ALK: variants seen among roughly 807,000 people sequenced by gnomAD.
The protein encoded by ALK is ALK receptor tyrosine kinase, also known as ALK tyrosine kinase receptor.
ALK carries 74 observed loss-of-function variants against 163.1 expected under a neutral mutation model. That is an observed-to-expected ratio of 0.45 (90% CI 0.38 to 0.55). The LOEUF (loss-of-function observed/expected upper bound fraction) is 0.55, where lower values mean the gene tolerates loss of function less well. ALK is among the 20% of genes least tolerant of loss of function. The pLI, the probability that ALK is intolerant of heterozygous loss-of-function variation, is 0.00. For missense variants in ALK, 2,063 were observed against 2,105.3 expected (o/e 0.98, Z 0.39); for synonymous variants, 960 against 843.2 (o/e 1.14, Z -2.40).
At position 29,293,610 on chromosome 2, in the gene ALK, A is replaced by G. The variant is rs74658758; in HGVS notation, c.1817+3278T>C. On this transcript the variant is annotated intron_variant, in intron 9 of 28. Transcript: ENST00000389048. ...ATTAAGTTCTTCCTTTAACTTTAAC[A>G]TGCCTTTAACATGGCAACTGCAAAA... 5.9e-3 allele frequency among the ~76,000 whole-genome samples: 905 copies of G among 152,338 alleles called. 14 individuals carry two copies. The highest frequency in any genetic ancestry group is 0.021 in the African/African-American group (857 of 41,568).
At chr2:29,333,350 A>G (rs1157194950) in intron 5 of ALK, among the ~76,000 whole-genome samples, 1 of 152,158 alleles carries the variant, frequency 6.6e-6, no homozygotes, top group Non-Finnish European at 1.5e-5. Flanking sequence ...TCCTGGCTTC[A>G]AGTGATCCGC....
intron 4 of ALK, among the ~76,000 whole-genome samples, chr2:29,384,723 G>C (rs1374653076): frequency 1.3e-5 from 2 of 151,964 alleles, no homozygotes; most frequent in African/African-American, 4.8e-5. Flanking sequence ...AAATTACCTA[G>C]ATTATTTGAT....
intron 5 of ALK, among the ~76,000 whole-genome samples, chr2:29,370,761 GC>G (rs1160328056): frequency 6.6e-6 from 1 of 152,152 alleles, no homozygotes; most frequent in Non-Finnish European, 1.5e-5. Flanking sequence ...CAGAGCCCGT[GC>G]CCACCTTCTG....
chr2:29,623,988 T>C (rs1195151834), intron 3 of ALK, among the ~76,000 whole-genome samples: 5 of 152,216 alleles, frequency 3.3e-5, no homozygotes, highest in Non-Finnish European at 7.3e-5. Context: ...CACAGACACA[T>C]GAAGCTGAAA....
chr2:29,920,221 C>T lies in ALK; in HGVS notation c.439G>A (p.Glu147Lys), dbSNP rs756273623. The part of the protein sequence containing the change: ...RAKQLVLELG[E>K]EAILEGCVGP... ...ACGCAACCCTCCAAGATCGCCTCCT[C>T]GCCCAGCTCCAGCACCAACTGCTTG... is the stretch of plus-strand genomic sequence containing the variant. Residue 147 changes from glutamate to lysine, a missense_variant, in exon 1 of 29, where the codon GAG (glutamate) becomes AAG (lysine). Coordinates refer to ENST00000389048, the MANE Select transcript of ALK (RefSeq NM_004304.5). The T allele has an allele frequency of 3.1e-6, 5 of 1,612,526 alleles. No individual in the cohort carries two copies. The highest frequency in any genetic ancestry group is 1.1e-5 in the South Asian group (1 of 90,944).
rs1045222194 is a variant in ALK at position 29,842,382 on chromosome 2, C to T, written c.667+77611G>A. ...CACTTCAGAAAAAGCAAGAACTGGA[C>T]GAAGAATCTGAATCTGGGGGTGTTC... On this transcript the variant is annotated intron_variant, in intron 1 of 28. Transcript: ENST00000389048. Among the ~76,000 whole-genome samples, 14 of 152,274 alleles carry T rather than the reference C, an allele frequency of 9.2e-5. No homozygotes were observed. The South Asian group carries it at 1.0e-3, about 11-fold the overall frequency.
chr2:29,607,248 G>A (rs566274720), intron 3 of ALK, among the ~76,000 whole-genome samples: 4 of 152,126 alleles, frequency 2.6e-5, no homozygotes, highest in Non-Finnish European at 5.9e-5. Flanking sequence ...TCCTTGACGG[G>A]CGTGGTAATA....
At chr2:29,648,385 T>C (rs987527861) in intron 3 of ALK, among the ~76,000 whole-genome samples, 1 of 152,158 alleles carries the variant, frequency 6.6e-6, no homozygotes, top group South Asian at 2.1e-4. Flanking sequence ...TTTTTAAGTA[T>C]ATAGTTTGGT....
intron 1 of ALK, among the ~76,000 whole-genome samples, chr2:29,856,831 C>T (rs1050080922): frequency 5.3e-5 from 8 of 152,218 alleles, no homozygotes; most frequent in Non-Finnish European, 1.5e-5. Context: ...GAATCCCTAA[C>T]AAATGAAGTT....
At chr2:29,412,462 C>T (rs550294670) in intron 4 of ALK, among the ~76,000 whole-genome samples, 1 of 152,162 alleles carries the variant, frequency 6.6e-6, no homozygotes, top group African/African-American at 2.4e-5. Flanking sequence ...AAACTGTTGT[C>T]CTGTCCTTAA....
At chr2:29,838,790 A>G (rs1264035306) in intron 1 of ALK, among the ~76,000 whole-genome samples, 2 of 152,146 alleles carry the variant, frequency 1.3e-5, no homozygotes, top group African/African-American at 4.8e-5. Flanking sequence ...GGGCATGAGG[A>G]ACCTTTCTGT....
At chr2:29,797,029 T>TACAC in intron 1 of ALK, among the ~76,000 whole-genome samples, 1 of 131,894 alleles carries the variant, frequency 7.6e-6, no homozygotes, top group Non-Finnish European at 1.7e-5. Flanking sequence ...CACACACACA[T>TACAC]ACACACACAT....
intron 9 of ALK, among the ~76,000 whole-genome samples, chr2:29,291,011 T>G (rs1666007632): frequency 6.6e-6 from 1 of 152,134 alleles, no homozygotes; most frequent in African/African-American, 2.4e-5. Context: ...TAAACTAATG[T>G]GAAATGGATA....
rs1270252186 is a variant in ALK at position 29,246,497 on chromosome 2, C to A, written c.2204+4608G>T. 1.3e-5 allele frequency among the ~76,000 whole-genome samples: 2 copies of A among 152,212 alleles called. No homozygotes were observed. The highest frequency in any genetic ancestry group is 6.5e-5 in the Admixed American group (1 of 15,288). On this transcript the variant is annotated intron_variant, in intron 12 of 28. Transcript: ENST00000389048. The surrounding 1 kb of genome is among the most constrained non-coding windows in gnomAD (Gnocchi z 4.3). ...GCTCCAGCCACCCACCCTCTAGACA[C>A]CATGGTTACTCAGCACCACGGCCCA...
intron 8 of ALK, among the ~76,000 whole-genome samples, chr2:29,304,770 T>G (rs1666459240): frequency 6.6e-6 from 1 of 152,236 alleles, no homozygotes; most frequent in African/African-American, 2.4e-5. Context: ...GAACCTGTAT[T>G]TTGTTATAGA....
chr2:29,718,484 C>T (rs183970947), intron 1 of ALK, among the ~76,000 whole-genome samples: 1 of 152,092 alleles, frequency 6.6e-6, no homozygotes, highest in Non-Finnish European at 1.5e-5. Context: ...GCAGACAAAG[C>T]CTTTTTTGTT....
At chr2:29,675,364 A>G (rs994027768) in intron 3 of ALK, among the ~76,000 whole-genome samples, 3 of 152,086 alleles carry the variant, frequency 2.0e-5, no homozygotes, top group Non-Finnish European at 4.4e-5. Flanking sequence ...CTGACAATGA[A>G]CTATAATAAT....
intron 1 of ALK, among the ~76,000 whole-genome samples, chr2:29,752,630 G>C (rs2148331864): frequency 6.6e-6 from 1 of 152,184 alleles, no homozygotes; most frequent in African/African-American, 2.4e-5. Context: ...TTACAGGCGT[G>C]AGCCACCGCG....
intron 4 of ALK, among the ~76,000 whole-genome samples, chr2:29,515,962 C>T (rs1254602619): frequency 6.6e-6 from 1 of 152,178 alleles, no homozygotes; most frequent in African/African-American, 2.4e-5. Context: ...ATCCTATTTA[C>T]ACAGCTGTGA....
Sources: allele counts gnomAD v4.1 joint callset (sites outside exome capture counted in the v4.1 genomes callset), GRCh38; gene constraint gnomAD v4.1.1; non-coding constraint Gnocchi (gnomAD v3.1); transcripts MANE v1.5; gene names NCBI Gene and HGNC (gene_info 2026-07-23, HGNC 2026-07-21).